Variants in APC2 observed in about 807,000 individuals in gnomAD.
The protein encoded by APC2 is adenomatous polyposis coli protein 2.
APC2 carries 41 observed loss-of-function variants against 72.5 expected under a neutral mutation model. That is an observed-to-expected ratio of 0.57 (90% CI 0.44 to 0.73). The LOEUF (loss-of-function observed/expected upper bound fraction) is 0.73. APC2 is among the 30% of genes least tolerant of loss of function. APC2 has a pLI of 0.00. For synonymous variants in APC2, 1,898 were observed against 1,612.0 expected (o/e 1.18, Z -4.25); for missense variants, 3,729 against 3,403.4 (o/e 1.10, Z -2.38).
chr19:1,460,528 G>A lies in APC2; in HGVS notation c.1443+208G>A, dbSNP rs532674935. ...CCTCCCCACCTGGCGGTGTCCTCAC[G>A]CCCACCCTGTTGCTGCCTCTGCAGA... On this transcript the variant is annotated intron_variant, in intron 11 of 14. Transcript: ENST00000590469. Among the ~76,000 whole-genome samples the A allele has an allele frequency of 2.2e-4, 34 of 152,332 alleles. 1 individual carries two copies. The South Asian group carries it at 4.8e-3, about 21-fold the overall frequency.
At chr19:1,464,915 G>A (rs1001414549) in intron 14 of APC2, among the ~76,000 whole-genome samples, 12 of 150,008 alleles carry the variant, frequency 8.0e-5, no homozygotes, top group African/African-American at 3.0e-4. Flanking sequence ...TTACAGGTGT[G>A]ATCCACTGCA....
chr19:1,450,055 GC>G (rs1198286173), upstream of APC2: 2 of 883,176 alleles, frequency 2.3e-6, no homozygotes, highest in Non-Finnish European at 2.7e-6. Context: ...CATGGCACCA[GC>G]CCGTCTTCCC....
rs568311415 is a variant in APC2 at position 1,466,542 on chromosome 19, C to G, written c.3241C>G (p.Arg1081Gly). The G allele has an allele frequency of 6.3e-7, 1 of 1,585,130 alleles. No homozygotes were observed. Among genetic ancestry groups the G allele is most frequent in the Non-Finnish European group, 8.5e-7 (1 of 1,173,480 alleles). Residue 1081 changes from arginine to glycine, a missense_variant, in exon 15 of 15, where the codon CGC (arginine) becomes GGC (glycine). By Grantham distance (125) the Arg-to-Gly change is moderately radical. Coordinates refer to ENST00000590469, the MANE Select transcript of APC2 (RefSeq NM_005883.3). ...CCTTTCCTCGCTGTCCTCGGCCGGC[C>G]GCCCAGGCCCCAGCGAGGGTGGTGA... Reference protein sequence around the residue: ...SSLSSLSSAGRPGPSEGGDLD... With the variant: ...SSLSSLSSAGGPGPSEGGDLD...
At chr19:1,464,296 T>C (rs2145225511) in intron 14 of APC2, among the ~76,000 whole-genome samples, 1 of 150,390 alleles carries the variant, frequency 6.6e-6, no homozygotes, top group Middle Eastern at 3.4e-3. Flanking sequence ...GTAACAAGAG[T>C]GAAACTCCAT....
Position 1,466,842 on chromosome 19 carries a change from C to G in APC2, c.3541C>G (p.Pro1181Ala). The change falls in exon 15 of 15, where the codon CCC becomes GCC. Residue 1181 changes from proline to alanine, a missense_variant. Physicochemically the swap from Pro to Ala is conservative, Grantham distance 27 (BLOSUM62 -1). Coordinates refer to ENST00000590469, the MANE Select transcript of APC2 (RefSeq NM_005883.3). ...GAGCCCGTCCATCGCCAGCTCCATC[C>G]CCAGTGAACCTTGCAGCGGGCAGGG... is the stretch of plus-strand genomic sequence containing the variant. ...FESPSIASSI[P>A]SEPCSGQGSG... 6.4e-7 allele frequency: 1 copy of G among 1,559,244 alleles called. No homozygotes were observed. The highest frequency in any genetic ancestry group is 8.7e-7 in the Non-Finnish European group (1 of 1,152,870).
At chr19:1,457,513 G>A (rs1183290285) in intron 9 of APC2, 2 of 551,828 alleles carry the variant, frequency 3.6e-6, no homozygotes, top group Admixed American at 7.5e-5. Context: ...CAGACTTTGA[G>A]ATTCTTTTTT....
At position 1,468,321 on chromosome 19, in the gene APC2, G is replaced by A. The variant is rs1030668633; in HGVS notation, c.5020G>A (p.Gly1674Ser). 10 of 1,551,652 alleles carry A rather than the reference G, an allele frequency of 6.4e-6. No individual in the cohort carries two copies. The highest frequency in any genetic ancestry group is 4.9e-5 in the East Asian group (2 of 41,138). ...GSRERGEEAAGSDRASDLDSV... is the reference protein window; with the variant it reads ...GSRERGEEAASSDRASDLDSV... ...CCGGGAACGCGGCGAGGAGGCAGCG[G>A]GCTCGGACCGGGCCTCCGACCTGGA... Residue 1674 changes from glycine (G) to serine (S), a missense_variant, in exon 15 of 15, where the codon GGC (glycine) becomes AGC (serine). Physicochemically the swap from Gly to Ser is moderately conservative, Grantham distance 56. Coordinates refer to ENST00000590469, the MANE Select transcript of APC2 (RefSeq NM_005883.3).
intron 10 of APC2, among the ~76,000 whole-genome samples, chr19:1,459,944 G>T (rs972563703): frequency 6.6e-6 from 1 of 152,220 alleles, no homozygotes; most frequent in Non-Finnish European, 1.5e-5. Context: ...AGCCAGGACC[G>T]AGGGCTGACA....
In APC2 at chr19:1,465,674, G is replaced by T; in HGVS notation, c.2373G>T (p.Ala791=). The change falls in exon 15 of 15, where the codon GCG becomes GCT. Residue 791 remains alanine (A), a synonymous_variant. Transcript: ENST00000590469. ...DDAPSSLAAA[A]ATGEPASPAA... is the part of the protein sequence containing the mutation. ...CACCGTCATCCCTGGCTGCGGCCGC[G>T]GCCACCGGGGAGCCAGCCAGCCCTG... The T allele has an allele frequency of 1.3e-6, 2 of 1,596,238 alleles. No homozygotes were observed. The highest frequency in any genetic ancestry group is 1.7e-6 in the Non-Finnish European group (2 of 1,173,176).
rs746234982 is a variant in APC2, at chr19:1,470,226, G to C, written c.*13G>C. ...CCTCCTGGAATAGTGGCCTAGGCCG[G>C]CCTTCTGGAACGTTCTCTCCCGGCC... is the stretch of plus-strand genomic sequence containing the variant. On this transcript the variant is annotated 3_prime_UTR_variant, in exon 15 of 15. Coordinates refer to ENST00000590469, the MANE Select transcript of APC2 (RefSeq NM_005883.3). 3 of 1,572,324 alleles carry C rather than the reference G, an allele frequency of 1.9e-6. No individual in the cohort carries two copies. In the Admixed American group the frequency reaches 5.4e-5, roughly 28 times the overall value.
At chr19:1,458,197 G>A in intron 10 of APC2, 137 bp downstream of exon 10, 3 of 767,912 alleles carry the variant, frequency 3.9e-6, no homozygotes, top group Non-Finnish European at 4.3e-6. Flanking sequence ...CAGACTCCCT[G>A]GAGTCACATA....
Position 1,470,089 on chromosome 19 carries a change from C to T in APC2, c.6788C>T (p.Ser2263Phe). 1.9e-6 allele frequency: 3 copies of T among 1,603,416 alleles called. No individual in the cohort carries two copies. Among genetic ancestry groups the T allele is most frequent in the South Asian group, 2.2e-5 (2 of 90,284 alleles). Residue 2263 changes from serine (S) to phenylalanine (F), a missense_variant, in exon 15 of 15, where the codon TCC becomes TTC. Coordinates refer to ENST00000590469, the MANE Select transcript of APC2 (RefSeq NM_005883.3). ...GGCTTCCCCGCCAGCCGGCACGGCT[C>T]CCCCAGCCGCTCGGCCCGAGTACCC... Reference protein sequence around the residue: ...VGGFPASRHGSPSRSARVPPF... With the variant: ...VGGFPASRHGFPSRSARVPPF...
chr19:1,465,139 C>G lies in APC2; in HGVS notation c.1854-16C>G. ...GGGTGGGGGGTGGCCCAGGCTAACC[C>G]GCCCTGTGCCTACAGGCAGGTGCTC... is the stretch of plus-strand genomic sequence containing the variant. On this transcript the variant is annotated splice_polypyrimidine_tract_variant and intron_variant, in intron 14 of 14. Transcript: ENST00000590469. The G allele has an allele frequency of 6.3e-7, 1 of 1,587,964 alleles. No individual in the cohort carries two copies. The highest frequency in any genetic ancestry group is 8.6e-7 in the Non-Finnish European group (1 of 1,167,906).
chr19:1,460,110 G>C (rs1389975103), intron 10 of APC2, 71 bp from the exon 11 acceptor site: 18 of 1,599,818 alleles, frequency 1.1e-5, no homozygotes, highest in East Asian at 8.9e-5. Flanking sequence ...CTGGGCAAGG[G>C]AGTGAGGTGG....
chr19:1,457,897 G>GGGGGGGGGT, intron 9 of APC2, 68 bp from the exon 10 acceptor site: 1 of 1,444,574 alleles, frequency 6.9e-7, no homozygotes, highest in Non-Finnish European at 9.3e-7. Context: ...GCGGGTTGCG[G>GGGGGGGGGT]GACCTTCGGG....
Position 1,472,895 on chromosome 19 carries a change from G to A in APC2, c.*2682G>A, listed in dbSNP as rs1017708380. 4 of 152,344 alleles carry A rather than the reference G, an allele frequency of 2.6e-5. No homozygotes were observed. The highest frequency in any genetic ancestry group is 5.9e-5 in the Non-Finnish European group (4 of 68,150). 9.4% of individuals were successfully genotyped at this position (152,344 alleles called of 1,614,324 possible). A position where few individuals can be genotyped will look rare whatever the true frequency, so the allele number is the denominator to read the frequency against. Reference sequence around the variant, plus strand: ...GCAGGGAGGGTGGAGGTGTCCTGAGGCTGATGGACAGTGACCGCCACTGGC... The same window carrying A: ...GCAGGGAGGGTGGAGGTGTCCTGAGACTGATGGACAGTGACCGCCACTGGC... On this transcript the variant is annotated 3_prime_UTR_variant, in exon 15 of 15. Coordinates refer to ENST00000590469, the MANE Select transcript of APC2 (RefSeq NM_005883.3).
At chr19:1,456,663 A>AGGAAT (rs2083832462) in intron 8 of APC2, among the ~76,000 whole-genome samples, 190 bp from the exon 9 acceptor site, 1 of 152,010 alleles carries the variant, frequency 6.6e-6, no homozygotes, top group African/African-American at 2.4e-5. Context: ...CGGCCACCCT[A>AGGAAT]GGAATGCCAG....
rs774957094 is a variant in APC2 at position 1,453,502 on chromosome 19, G to A, written c.304G>A (p.Ala102Thr). Reference sequence around the variant, plus strand: ...GCCCACCCTGGGCCCGGAGCCTGCCGCCCGGACCCCCGAGGGCAGCCCAGT... The same window carrying A: ...GCCCACCCTGGGCCCGGAGCCTGCCACCCGGACCCCCGAGGGCAGCCCAGT... ...QPPTLGPEPA[A>T]RTPEGSPVHG... is the part of the protein sequence containing the mutation. Residue 102 changes from alanine (A) to threonine (T), a missense_variant, in exon 4 of 15, where the codon GCC (alanine) becomes ACC (threonine). By Grantham distance (58) the Ala-to-Thr change is moderately conservative. Transcript: ENST00000590469. The A allele has an allele frequency of 6.2e-7, 1 of 1,607,384 alleles. No homozygotes were observed. The highest frequency in any genetic ancestry group is 1.7e-5 in the Admixed American group (1 of 59,748).
upstream of APC2, among the ~76,000 whole-genome samples, chr19:1,449,900 C>A (rs960306128): frequency 6.6e-6 from 1 of 152,224 alleles, no homozygotes; most frequent in African/African-American, 2.4e-5. Context: ...CAATAAAGTG[C>A]GGGACACAGG....
Sources: allele counts gnomAD v4.1 joint callset (sites outside exome capture counted in the v4.1 genomes callset), GRCh38; gene constraint gnomAD v4.1.1; transcripts MANE v1.5; gene names NCBI Gene and HGNC (gene_info 2026-07-23, HGNC 2026-07-21).